The following RAB3GAP1 variants were observed in gnomAD, a reference collection of about 807,000 sequenced individuals.
RAB3GAP1 encodes the protein rab3 GTPase-activating protein catalytic subunit.
RAB3GAP1 carries 86 observed loss-of-function variants against 130.7 expected under a neutral mutation model. That is an observed-to-expected ratio of 0.66 (90% CI 0.55 to 0.79). The LOEUF (loss-of-function observed/expected upper bound fraction) is 0.79, where lower values mean the gene tolerates loss of function less well. Ranked by LOEUF, RAB3GAP1 falls within the 30% of genes least tolerant of loss-of-function variation. The pLI, the probability that RAB3GAP1 is intolerant of heterozygous loss-of-function variation, is 0.00. For missense variants in RAB3GAP1, 1,029 were observed against 1,169.4 expected, an observed-to-expected ratio of 0.88 and a Z score of 1.75; for synonymous variants, 367 against 401.7, an observed-to-expected ratio of 0.91 and a Z score of 1.03.
At chr2:135,117,600 T>G (rs560862281) in intron 7 of RAB3GAP1, among the ~76,000 whole-genome samples, 12 of 117,552 alleles carry the variant, frequency 1.0e-4, no homozygotes, top group South Asian at 6.0e-4. Flanking sequence ...TTCTGCTGCT[T>G]CTTCTGCTTC....
At chr2:135,073,959 C>T (rs1689549116) in intron 3 of RAB3GAP1, among the ~76,000 whole-genome samples, 1 of 152,184 alleles carries the variant, frequency 6.6e-6, no homozygotes, top group South Asian at 2.1e-4. Context: ...CCACTCACAT[C>T]TGCTGAGGGA....
At chr2:135,144,097 G>C (rs1204084626) in intron 17 of RAB3GAP1, among the ~76,000 whole-genome samples, 1 of 152,202 alleles carries the variant, frequency 6.6e-6, no homozygotes, top group African/African-American at 2.4e-5. Context: ...TTGTGCACCA[G>C]CTTAGCTCTC....
intron 3 of RAB3GAP1, among the ~76,000 whole-genome samples, chr2:135,066,038 G>T (rs1689313622): frequency 6.6e-6 from 1 of 152,116 alleles, no homozygotes; most frequent in Admixed American, 6.5e-5. Flanking sequence ...CTCCCAAAGT[G>T]CTGGGATTAC....
At chr2:135,107,098 G>GA (rs1159826826) in intron 5 of RAB3GAP1, among the ~76,000 whole-genome samples, 1,324 of 93,040 alleles carry the variant, frequency 0.014, 11 homozygotes, top group South Asian at 0.045. Context: ...CTGAAAGGGA[G>GA]AAAAAAAAAA....
At chr2:135,117,495 GCTT>G (rs1229163423) in intron 7 of RAB3GAP1, among the ~76,000 whole-genome samples, 10,413 of 41,712 alleles carry the variant, frequency 0.25, 474 homozygotes, top group African/African-American at 0.35. Flanking sequence ...TTCTTCTTCT[GCTT>G]CTTCTTCTTC....
intron 8 of RAB3GAP1, among the ~76,000 whole-genome samples, chr2:135,122,148 G>A (rs1691223405): frequency 6.6e-6 from 1 of 151,916 alleles, no homozygotes; most frequent in Non-Finnish European, 1.5e-5. Flanking sequence ...GCAGTTATAT[G>A]TACTACTACT....
At chr2:135,105,945 C>T (rs998845752) in intron 5 of RAB3GAP1, among the ~76,000 whole-genome samples, 2 of 151,232 alleles carry the variant, frequency 1.3e-5, no homozygotes, top group Admixed American at 6.6e-5. Flanking sequence ...GTGAGGAGCC[C>T]CTCCGCTCGG....
At chr2:135,066,066 C>G (rs548499042) in intron 3 of RAB3GAP1, among the ~76,000 whole-genome samples, 2 of 152,134 alleles carry the variant, frequency 1.3e-5, no homozygotes, top group East Asian at 3.9e-4. Context: ...AGCTACTGCA[C>G]CCCGCCAGTA....
intron 3 of RAB3GAP1, among the ~76,000 whole-genome samples, chr2:135,075,348 T>A (rs1689602322): frequency 6.6e-6 from 1 of 152,208 alleles, no homozygotes; most frequent in Non-Finnish European, 1.5e-5. Flanking sequence ...CACTTCTCCA[T>A]TCATCTACTT....
chr2:135,105,915 C>T (rs1411642064), intron 5 of RAB3GAP1, among the ~76,000 whole-genome samples: 1 of 151,494 alleles, frequency 6.6e-6, no homozygotes, highest in African/African-American at 2.4e-5. Context: ...GCATCTCTGC[C>T]CGGCCGCCCC....
At chr2:135,104,571 G>A (rs944490791) in intron 5 of RAB3GAP1, among the ~76,000 whole-genome samples, 2 of 152,054 alleles carry the variant, frequency 1.3e-5, no homozygotes, top group Admixed American at 6.5e-5. Flanking sequence ...ACCAAATGGC[G>A]GCCAGGCGTG....
At chr2:135,087,443 TG>T (rs1343475462) in intron 3 of RAB3GAP1, among the ~76,000 whole-genome samples, 4 of 152,214 alleles carry the variant, frequency 2.6e-5, no homozygotes, top group Non-Finnish European at 5.9e-5. Context: ...ATGTTTTGAT[TG>T]GGATCATGTT....
chr2:135,062,034 C>G (rs1193511671), intron 3 of RAB3GAP1, among the ~76,000 whole-genome samples: 1 of 148,424 alleles, frequency 6.7e-6, no homozygotes. Context: ...TTGTCTTTTT[C>G]TTTTTTTTTT....
rs145728829 is a variant in RAB3GAP1, at chr2:135,163,100, A to G, written c.2605A>G (p.Arg869Gly). 19 of 1,607,640 alleles carry G rather than the reference A, an allele frequency of 1.2e-5. No individual in the cohort carries two copies. In the African/African-American group the frequency reaches 2.5e-4, roughly 21 times the overall value. Reference protein sequence around the residue: ...EQEEEKEDLERFVSCLLEQPE... With the variant: ...EQEEEKEDLEGFVSCLLEQPE... Reference sequence around the variant, plus strand: ...GGAGGAGGAAAAGGAAGATCTTGAAAGGTAATTGCTATTTGGCTAATTCAG... The same window carrying G: ...GGAGGAGGAAAAGGAAGATCTTGAAGGGTAATTGCTATTTGGCTAATTCAG... The change falls in exon 22 of 24, where the codon AGG becomes GGG. Residue 869 changes from arginine (R) to glycine (G), a missense_variant and splice_region_variant. By Grantham distance (125) the Arg-to-Gly change is moderately radical. Around this residue, in one of 3 missense-constraint regions of RAB3GAP1, gnomAD observed 146 missense variants for 143.7 expected, o/e 1.02. Transcript: ENST00000264158.
chr2:135,076,481 A>G (rs1436695511), intron 3 of RAB3GAP1, among the ~76,000 whole-genome samples: 2 of 152,220 alleles, frequency 1.3e-5, no homozygotes, highest in East Asian at 3.8e-4. Context: ...ATTAGATATT[A>G]GAATTTCCTT....
At chr2:135,127,422 T>C (rs1573576129) in intron 11 of RAB3GAP1, among the ~76,000 whole-genome samples, 2 of 151,204 alleles carry the variant, frequency 1.3e-5, no homozygotes, top group South Asian at 4.2e-4. Flanking sequence ...CGGCTCACTG[T>C]AAGCTCCGCC....
intron 17 of RAB3GAP1, among the ~76,000 whole-genome samples, chr2:135,144,489 G>A (rs1691941426): frequency 6.6e-6 from 1 of 152,214 alleles, no homozygotes; most frequent in Non-Finnish European, 1.5e-5. Flanking sequence ...ATAGGTGTAT[G>A]TAAATAGGTG....
intron 17 of RAB3GAP1, 117 bp from the exon 18 acceptor site, chr2:135,150,252 A>T (rs1197362371): frequency 7.9e-7 from 1 of 1,260,114 alleles, no homozygotes; most frequent in African/African-American, 1.5e-5. Flanking sequence ...TGAATTTTTA[A>T]AAATACTCAT....
chr2:135,104,509 T>C (rs561195662), intron 5 of RAB3GAP1, among the ~76,000 whole-genome samples: 1 of 152,158 alleles, frequency 6.6e-6, no homozygotes, highest in African/African-American at 2.4e-5. Flanking sequence ...TTCAAAGAAA[T>C]ACTAACAGTG....
Sources: allele counts gnomAD v4.1 joint callset (sites outside exome capture counted in the v4.1 genomes callset), GRCh38; gene constraint gnomAD v4.1.1; regional missense constraint gnomAD v4.1.1; transcripts MANE v1.5; gene names NCBI Gene and HGNC (gene_info 2026-07-23, HGNC 2026-07-21).